Variants in UBE3B observed in about 807,000 individuals in gnomAD.
UBE3B encodes the protein ubiquitin-protein ligase E3B.
Under a neutral mutation model 132.3 loss-of-function variants are expected in UBE3B, and 80 were observed. The observed-to-expected ratio is 0.60, with a 90% confidence interval of 0.50 to 0.73. The LOEUF (loss-of-function observed/expected upper bound fraction) is 0.73, where lower values mean the gene tolerates loss of function less well. UBE3B is among the 30% of genes least tolerant of loss of function. UBE3B has a pLI of 0.00. For missense variants in UBE3B, 1,196 were observed against 1,362.5 expected (o/e 0.88, Z 1.92); for synonymous variants, 487 against 520.4 (o/e 0.94, Z 0.87).
intron 24 of UBE3B, 133 bp downstream of exon 24, chr12:109,526,549 G>A: frequency 1.0e-6 from 1 of 972,914 alleles, no homozygotes; most frequent in East Asian, 2.6e-5. Context: ...GGAATTTACT[G>A]GTTACAGTTC....
rs1879199884 is a variant in UBE3B, at chr12:109,503,094, G to A, written c.1354G>A (p.Val452Ile). 6.2e-7 allele frequency: 1 copy of A among 1,614,186 alleles called. No individual in the cohort carries two copies. The highest frequency in any genetic ancestry group is 1.3e-5 in the African/African-American group (1 of 75,044). The part of the protein sequence containing the change: ...NILRPVGGKR[V>I]DSAEVQKVCN... ...TCTCAGGCCTGTCGGGGGTAAACGG[G>A]TCGACTCTGCAGAAGTCCAGAAGGT... Residue 452 changes from valine (V) to isoleucine (I), a missense_variant, in exon 14 of 28, where the codon GTC becomes ATC. Transcript: ENST00000342494.
intron 8 of UBE3B, chr12:109,490,425 T>A: frequency 6.5e-7 from 1 of 1,531,574 alleles, no homozygotes; most frequent in Non-Finnish European, 8.7e-7. Context: ...TGATTGCTGT[T>A]TAAAGGTACA....
intron 18 of UBE3B, among the ~76,000 whole-genome samples, chr12:109,511,842 G>T (rs1228024188): frequency 6.6e-6 from 1 of 152,162 alleles, no homozygotes. Context: ...GCAGCGTGGA[G>T]GGCTGGCTAG....
At chr12:109,517,269 T>G (rs994917086) in intron 19 of UBE3B, among the ~76,000 whole-genome samples, 1 of 152,206 alleles carries the variant, frequency 6.6e-6, no homozygotes. Flanking sequence ...CAACTGTGAT[T>G]GTAGTATATA....
chr12:109,523,786 C>T lies in UBE3B; in HGVS notation c.2365-192C>T, dbSNP rs182403855. Reference sequence around the variant, plus strand: ...TCCAAACCATGTGTCCTGACCACTGCGCTGTCCCCAGGAGGCACTCAGTTG... The same window carrying T: ...TCCAAACCATGTGTCCTGACCACTGTGCTGTCCCCAGGAGGCACTCAGTTG... On this transcript the variant is annotated intron_variant, in intron 21 of 27. Coordinates refer to ENST00000342494, the MANE Select transcript of UBE3B (RefSeq NM_130466.4). Among the ~76,000 whole-genome samples, 167 of 152,358 alleles carry T rather than the reference C, an allele frequency of 1.1e-3. 1 individual carries two copies. Among genetic ancestry groups the T allele is most frequent in the Non-Finnish European group, 5.4e-4 (37 of 68,032 alleles).
chr12:109,513,316 A>G (rs1032093341), intron 18 of UBE3B, among the ~76,000 whole-genome samples: 1 of 152,182 alleles, frequency 6.6e-6, no homozygotes, highest in African/African-American at 2.4e-5. Context: ...GGTGCTGCAC[A>G]ATATTTTAAA....
At chr12:109,503,629 C>T (rs572433471) in intron 14 of UBE3B, among the ~76,000 whole-genome samples, 59 of 152,164 alleles carry the variant, frequency 3.9e-4, no homozygotes, top group Admixed American at 6.5e-4. Context: ...AATCATTTTA[C>T]CATGTCACAA....
chr12:109,491,004 A>G, intron 8 of UBE3B, 41 bp from the exon 9 acceptor site: 1 of 1,593,990 alleles, frequency 6.3e-7, no homozygotes, highest in Non-Finnish European at 8.6e-7. Context: ...ATGAATATAA[A>G]GTTGATATCA....
intron 11 of UBE3B, 72 bp from the exon 12 acceptor site, chr12:109,499,561 G>A (rs1878688099): frequency 2.2e-6 from 3 of 1,368,958 alleles, no homozygotes; most frequent in Admixed American, 6.0e-5. Flanking sequence ...CTGAGCCACA[G>A]GCAGGGAGCA....
At chr12:109,511,155 G>A in intron 17 of UBE3B, 49 bp from the exon 18 acceptor site, 2 of 1,565,986 alleles carry the variant, frequency 1.3e-6, no homozygotes, top group Non-Finnish European at 1.8e-6. Context: ...CACACTAGAG[G>A]ATGGTTTCCT....
At chr12:109,523,309 C>T (rs1262980273) in intron 21 of UBE3B, among the ~76,000 whole-genome samples, 3 of 152,226 alleles carry the variant, frequency 2.0e-5, no homozygotes, top group Non-Finnish European at 4.4e-5. Flanking sequence ...GTCTTCCTCT[C>T]GCCAGCCCAT....
chr12:109,500,036 A>G (rs1566087560), intron 12 of UBE3B, among the ~76,000 whole-genome samples: 1 of 152,244 alleles, frequency 6.6e-6, no homozygotes, highest in Admixed American at 6.5e-5. Context: ...TTTCCTATCT[A>G]GAAATACTGA....
Position 109,530,087 on chromosome 12 carries a change from G to A in UBE3B, c.2810+15G>A, listed in dbSNP as rs200727329. ...GAAGATTTAAAGTAAGAGGCGGGTG[G>A]GGGGAAGGGTGAAATTCCTTGGCCT... On this transcript the variant is annotated intron_variant, in intron 25 of 27. Transcript: ENST00000342494. 2 of 1,611,774 alleles carry A rather than the reference G, an allele frequency of 1.2e-6. No individual in the cohort carries two copies. The highest frequency in any genetic ancestry group is 1.3e-5 in the African/African-American group (1 of 74,876).
intron 4 of UBE3B, among the ~76,000 whole-genome samples, chr12:109,484,317 A>C (rs1318051918): frequency 6.6e-6 from 1 of 152,262 alleles, no homozygotes; most frequent in African/African-American, 2.4e-5. Context: ...TGGTAAGGAC[A>C]TCAAAAGGAG....
intron 17 of UBE3B, among the ~76,000 whole-genome samples, 200 bp downstream of exon 17, chr12:109,510,658 T>C (rs563448395): frequency 5.9e-5 from 9 of 152,358 alleles, no homozygotes; most frequent in East Asian, 3.9e-4. Context: ...ACACCAAATA[T>C]GATTAGAGTT....
the UBE3B span, among the ~76,000 whole-genome samples, chr12:109,542,612 C>G: frequency 2.0e-5 from 3 of 152,120 alleles, no homozygotes; most frequent in Non-Finnish European, 4.4e-5. Flanking sequence ...GGACCCTAAT[C>G]CGATGTGACT....
chr12:109,516,850 C>T lies in UBE3B; in HGVS notation c.2042C>T (p.Thr681Ile), dbSNP rs768187824. ...ACCAGCTCTGCCTCCCCGCATGTCA[C>T]TCACATCACCATCCGCCGGTCCAGG... ...VETSSASPHV[T>I]HITIRRSRML... Residue 681 changes from threonine to isoleucine, a missense_variant, in exon 19 of 28, where the codon ACT becomes ATT. Thr to Ile is a moderately conservative substitution (Grantham distance 89). Coordinates refer to ENST00000342494, the MANE Select transcript of UBE3B (RefSeq NM_130466.4). 7 of 1,613,984 alleles carry T rather than the reference C, an allele frequency of 4.3e-6. No homozygotes were observed. Among genetic ancestry groups the T allele is most frequent in the Admixed American group, 1.7e-5 (1 of 60,004 alleles).
chr12:109,499,666 G>A lies in UBE3B; in HGVS notation c.974G>A (p.Arg325Lys). The A allele has an allele frequency of 6.2e-7, 1 of 1,609,900 alleles. No individual in the cohort carries two copies. The highest frequency in any genetic ancestry group is 8.5e-7 in the Non-Finnish European group (1 of 1,177,858). The change falls in exon 12 of 28, where the codon AGA (arginine) becomes AAA (lysine). Residue 325 changes from arginine to lysine, a missense_variant. Transcript: ENST00000342494. Reference protein sequence around the residue: ...NLLHLGSLSPRVLEEETDGFV... With the variant: ...NLLHLGSLSPKVLEEETDGFV... ...CTACACTTGGGCTCCCTCAGCCCCA[G>A]AGTGTTAGAGGAGGAGACAGATGGG...
chr12:109,517,960 G>A, intron 19 of UBE3B: 1 of 447,904 alleles, frequency 2.2e-6, no homozygotes, highest in Non-Finnish European at 4.5e-6. Context: ...AATGCCGAGA[G>A]CTGCTAGGAA....
Sources: allele counts gnomAD v4.1 joint callset (sites outside exome capture counted in the v4.1 genomes callset), GRCh38; gene constraint gnomAD v4.1.1; transcripts MANE v1.5; gene names NCBI Gene and HGNC (gene_info 2026-07-23, HGNC 2026-07-21).